Variants in PLB1 observed in about 807,000 individuals in gnomAD.
PLB1 encodes phospholipase B1, also known as phospholipase B1, membrane-associated.
In PLB1, 242 loss-of-function variants were observed where a neutral mutation model predicts 227.4. The observed-to-expected ratio is 1.06, with a 90% CI of 0.96 to 1.18. PLB1 has a LOEUF of 1.18. Among genes scored for constraint, PLB1 ranks in the 50% most tolerant of loss-of-function variants. The pLI is 0.00. For synonymous variants in PLB1, 757 were observed against 682.2 expected (o/e 1.11, Z -1.71); for missense variants, 1,858 against 1,816.3 (o/e 1.02, Z -0.42).
At chr2:28,576,819 A>T (rs764710119) in intron 21 of PLB1, among the ~76,000 whole-genome samples, 1 of 152,224 alleles carries the variant, frequency 6.6e-6, no homozygotes, top group Non-Finnish European at 1.5e-5. Flanking sequence ...AGATTTACAG[A>T]TGAGGAAATC....
chr2:28,605,996 C>T (rs765368493), intron 42 of PLB1, 48 bp downstream of exon 42: 17 of 1,441,596 alleles, frequency 1.2e-5, no homozygotes, highest in Non-Finnish European at 4.9e-6. Flanking sequence ...TAGTCTAGGG[C>T]AGGGCACCAG....
intron 20 of PLB1, among the ~76,000 whole-genome samples, chr2:28,570,948 T>C (rs1402780620): frequency 6.6e-6 from 1 of 152,214 alleles, no homozygotes; most frequent in Non-Finnish European, 1.5e-5. Flanking sequence ...CAAGGATGCA[T>C]GCTCTTGCCA....
chr2:28,529,331 A>ATCAGAT lies in PLB1; in HGVS notation c.341_346dup (p.Arg115_Tyr116insPheArg). On this transcript the variant is annotated inframe_insertion, in exon 7 of 58. Coordinates refer to ENST00000327757, the MANE Select transcript of PLB1 (RefSeq NM_153021.5). ...TCTCTCTTTAGTCCTTTCAGACATC[A>ATCAGAT]TCAGATATTTCAGTCCTTCTGTTCC... The ATCAGAT allele has an allele frequency of 6.2e-7, 1 of 1,609,842 alleles. No individual in the cohort carries two copies. The highest frequency in any genetic ancestry group is 8.5e-7 in the Non-Finnish European group (1 of 1,176,204).
intron 1 of PLB1, among the ~76,000 whole-genome samples, chr2:28,511,817 C>CTTTTTTTTT (rs1668300916): frequency 1.6e-5 from 2 of 128,950 alleles, no homozygotes; most frequent in African/African-American, 6.0e-5. Context: ...TGGAGTTTTG[C>CTTTTTTTTT]TCTGTTGCTC....
intron 56 of PLB1, among the ~76,000 whole-genome samples, chr2:28,633,757 C>T (rs1371371805): frequency 6.6e-6 from 1 of 152,226 alleles, no homozygotes; most frequent in East Asian, 1.9e-4. Context: ...GACCTGTCAC[C>T]CCCAACAACT....
At position 28,606,653 on chromosome 2, in the gene PLB1, C is replaced by T. The variant is rs571406655; in HGVS notation, c.3129+86C>T. ...CCACTTCGTCCTCCACCACAGCTTC[C>T]TCAGTACCCATCTTGCCCCCTTACT... On this transcript the variant is annotated intron_variant, in intron 43 of 57. Coordinates refer to ENST00000327757, the MANE Select transcript of PLB1 (RefSeq NM_153021.5). The T allele has an allele frequency of 1.6e-6, 2 of 1,235,190 alleles. 1 individual carries two copies. The highest frequency in any genetic ancestry group is 4.6e-5 in the East Asian group (2 of 43,118). The allele number at this position is 1,235,190 out of a possible 1,614,324, so 76.5% of individuals were successfully genotyped here. A position where few individuals can be genotyped will look rare whatever the true frequency, so the allele number is the denominator to read the frequency against.
Position 28,529,786 on chromosome 2 carries a change from A to T in PLB1, c.468+7A>T, listed in dbSNP as rs1670773664. 1 of 1,613,894 alleles carries T rather than the reference A, an allele frequency of 6.2e-7. No individual in the cohort carries two copies. The highest frequency in any genetic ancestry group is 1.7e-5 in the Admixed American group (1 of 59,998). ...AAACATGAAAGAGAACCTGGTAAGC[A>T]TCCGTCCAACTCTGGCATGGCTGGG... On this transcript the variant is annotated splice_region_variant and intron_variant, in intron 8 of 57. Coordinates refer to ENST00000327757, the MANE Select transcript of PLB1 (RefSeq NM_153021.5).
rs868865205 is a variant in PLB1, at chr2:28,523,358, T to C, written c.244-1909T>C. Among the ~76,000 whole-genome samples, 1,083 of 145,798 alleles carry C rather than the reference T, an allele frequency of 7.4e-3. 11 individuals are homozygous for C. Among genetic ancestry groups the C allele is most frequent in the African/African-American group, 0.026 (988 of 38,582 alleles). ...AGGTTTTTTTTTTTTTTTTTTTTTT[T>C]CTAACTCAGTGTCATAGATATTTTT... On this transcript the variant is annotated intron_variant, in intron 4 of 57. Coordinates refer to ENST00000327757, the MANE Select transcript of PLB1 (RefSeq NM_153021.5).
intron 42 of PLB1, 103 bp from the exon 43 acceptor site, chr2:28,606,393 A>G (rs918750753): frequency 8.5e-7 from 1 of 1,182,400 alleles, no homozygotes; most frequent in Admixed American, 2.0e-5. Flanking sequence ...AGCCCCCTGA[A>G]ATCGAGTTCT....
At chr2:28,586,394 T>C (rs941541000) in intron 26 of PLB1, among the ~76,000 whole-genome samples, 9 of 152,222 alleles carry the variant, frequency 5.9e-5, no homozygotes, top group Admixed American at 5.9e-4. Context: ...TTGTGAGTTG[T>C]TCATTTTAGT....
intron 43 of PLB1, among the ~76,000 whole-genome samples, chr2:28,611,341 G>C: frequency 6.6e-6 from 1 of 152,152 alleles, no homozygotes. Flanking sequence ...GGTCAAGTTT[G>C]TCCTTCCCTC....
intron 43 of PLB1, among the ~76,000 whole-genome samples, chr2:28,611,097 A>G (rs557272324): frequency 2.8e-4 from 43 of 152,146 alleles, no homozygotes; most frequent in African/African-American, 1.0e-3. Context: ...TAGGAGTTGG[A>G]AAAAAAAGAA....
chr2:28,588,853 T>C (rs560688724), intron 26 of PLB1, among the ~76,000 whole-genome samples: 1 of 152,280 alleles, frequency 6.6e-6, no homozygotes, highest in East Asian at 1.9e-4. Flanking sequence ...CTCACGTCTT[T>C]AATCAGAATA....
chr2:28,622,034 G>T (rs541812034), intron 49 of PLB1, among the ~76,000 whole-genome samples: 3 of 152,134 alleles, frequency 2.0e-5, no homozygotes, highest in Non-Finnish European at 2.9e-5. Flanking sequence ...CAGTGGCCAG[G>T]GAAGTAGTTG....
At chr2:28,591,891 G>A in intron 31 of PLB1, 131 bp downstream of exon 31, 1 of 909,228 alleles carries the variant, frequency 1.1e-6, no homozygotes, top group Non-Finnish European at 1.7e-6. Context: ...CTGCCTGGGT[G>A]GTCACCTGGG....
chr2:28,606,038 T>G lies in PLB1; in HGVS notation c.3057+90T>G, dbSNP rs946908258. The G allele has an allele frequency of 1.2e-5, 12 of 1,025,974 alleles. No individual in the cohort carries two copies. The African/African-American group carries it at 1.9e-4, about 17-fold the overall frequency. The allele number at this position is 1,025,974 out of a possible 1,614,324, so 63.6% of individuals were successfully genotyped here. ...TAGAATGGAGTCTTGCAAGTGAGGC[T>G]GAGGGGGCAGTGGCTGGTACATCTA... On this transcript the variant is annotated intron_variant, in intron 42 of 57. Coordinates refer to ENST00000327757, the MANE Select transcript of PLB1 (RefSeq NM_153021.5).
intron 49 of PLB1, among the ~76,000 whole-genome samples, chr2:28,622,660 G>A (rs1183244228): frequency 1.3e-5 from 2 of 152,198 alleles, no homozygotes; most frequent in Admixed American, 6.5e-5. Context: ...GGCCGAGGTA[G>A]GTGGATCACC....
chr2:28,589,871 TTC>T (rs1338638987), intron 28 of PLB1, 101 bp downstream of exon 28: 4 of 1,371,622 alleles, frequency 2.9e-6, no homozygotes, highest in Non-Finnish European at 4.2e-6. Flanking sequence ...GGCCATGTGA[TTC>T]TATGCACGGC....
intron 33 of PLB1, 122 bp from the exon 34 acceptor site, chr2:28,597,883 G>A (rs1051617944): frequency 2.2e-6 from 2 of 905,790 alleles, no homozygotes; most frequent in Non-Finnish European, 3.7e-6. Context: ...GATGGGTCTG[G>A]CCCATCTCAA....
Sources: allele counts gnomAD v4.1 joint callset (sites outside exome capture counted in the v4.1 genomes callset), GRCh38; gene constraint gnomAD v4.1.1; transcripts MANE v1.5; gene names NCBI Gene and HGNC (gene_info 2026-07-23, HGNC 2026-07-21).